DAB1: variants seen among roughly 807,000 people sequenced by gnomAD.
DAB1 encodes DAB adaptor protein 1.
In DAB1, 15 loss-of-function variants were observed where a neutral mutation model predicts 64.6. The ratio of observed to expected loss-of-function variants is 0.23; its 90% CI spans 0.16 to 0.36. The LOEUF (loss-of-function observed/expected upper bound fraction) is 0.36. DAB1 is among the 10% of genes least tolerant of loss of function. The pLI, the probability that DAB1 is intolerant of heterozygous loss-of-function variation, is 1.00. For missense variants in DAB1, 596 were observed against 706.7 expected, an observed-to-expected ratio of 0.84 and a Z score of 1.78; for synonymous variants, 235 against 251.9, an observed-to-expected ratio of 0.93 and a Z score of 0.64.
At chr1:58,425,423 T>C (rs1644813433) in intron 3 of DAB1, among the ~76,000 whole-genome samples, 1 of 152,234 alleles carries the variant, frequency 6.6e-6, no homozygotes, top group South Asian at 2.1e-4. Flanking sequence ...CTTCTCTTAG[T>C]ATTTGCCTAA....
intron 3 of DAB1, 106 bp from the exon 4 acceptor site, chr1:57,136,747 A>C: frequency 1.8e-6 from 1 of 554,670 alleles, no homozygotes. Context: ...CCAATCATGC[A>C]CACTGCTTTC....
intron 7 of DAB1, among the ~76,000 whole-genome samples, chr1:57,441,011 C>T (rs538966071): frequency 2.0e-5 from 3 of 152,206 alleles, no homozygotes; most frequent in East Asian, 3.9e-4. Flanking sequence ...TATTAACCCA[C>T]ACTTCCCTCC....
At chr1:58,409,494 G>T (rs930601949) in intron 3 of DAB1, among the ~76,000 whole-genome samples, 1 of 152,218 alleles carries the variant, frequency 6.6e-6, no homozygotes, top group African/African-American at 2.4e-5. Context: ...ACAGTGGGCT[G>T]TCCCAGGAAG....
chr1:57,079,839 C>G (rs1307564915), intron 4 of DAB1, among the ~76,000 whole-genome samples: 1 of 152,186 alleles, frequency 6.6e-6, no homozygotes, highest in Admixed American at 6.5e-5. Context: ...CCAGCGCAGA[C>G]CAGGTTCCCA....
chr1:57,355,640 C>T (rs980775192), intron 1 of DAB1, among the ~76,000 whole-genome samples: 13 of 151,870 alleles, frequency 8.6e-5, no homozygotes, highest in Non-Finnish European at 5.9e-5. Flanking sequence ...GAGGCAAAAA[C>T]ATAAAGGCAA....
rs114247314 is a variant in DAB1 at position 57,525,837 on chromosome 1, T to C, written n.625+123755A>G. Among the ~76,000 whole-genome samples, 932 of 152,050 alleles carry C rather than the reference T, an allele frequency of 6.1e-3. 7 individuals are homozygous for C. Among genetic ancestry groups the C allele is most frequent in the Non-Finnish European group, 9.4e-3 (640 of 67,962 alleles). Reference sequence around the variant, plus strand: ...GAGGAACAAAAGCTGGGGGAACAAATGGGGAGAAGGGACTACTATATTTCA... The same window carrying C: ...GAGGAACAAAAGCTGGGGGAACAAACGGGGAGAAGGGACTACTATATTTCA... On this transcript the variant is annotated intron_variant and non_coding_transcript_variant, in intron 7 of 20. Coordinates refer to the DAB1 transcript ENST00000485760.
intron 7 of DAB1, among the ~76,000 whole-genome samples, chr1:57,513,126 C>T (rs1258874134): frequency 2.8e-5 from 4 of 144,496 alleles, no homozygotes; most frequent in Admixed American, 2.1e-4. Flanking sequence ...GGCACTGGTT[C>T]GTCTGAATAC....
chr1:57,959,526 A>C (rs1269645220), intron 5 of DAB1, among the ~76,000 whole-genome samples: 5 of 152,198 alleles, frequency 3.3e-5, no homozygotes, highest in African/African-American at 1.2e-4. Context: ...GAGAACATTG[A>C]GGCTTGGAGA....
chr1:57,644,001 G>A (rs940380302), intron 7 of DAB1, among the ~76,000 whole-genome samples: 1 of 152,162 alleles, frequency 6.6e-6, no homozygotes, highest in Non-Finnish European at 1.5e-5. Context: ...AGACACAAAC[G>A]AGGGTCTTCT....
At position 57,061,390 on chromosome 1, in the gene DAB1, A is replaced by G. The variant is rs944922; in HGVS notation, c.723+1494T>C. 5.2e-4 allele frequency among the ~76,000 whole-genome samples: 79 copies of G among 152,284 alleles called. No homozygotes were observed. In the East Asian group the frequency reaches 0.012, roughly 22 times the overall value. ...GAGAATACAGAGTCTTAGGTTTGGA[A>G]GGGACATCCAGAGCTCTCCTGTCCA... On this transcript the variant is annotated intron_variant, in intron 9 of 14. Transcript: ENST00000371236.
chr1:57,603,116 G>T (rs553793859), intron 7 of DAB1, among the ~76,000 whole-genome samples: 17 of 152,276 alleles, frequency 1.1e-4, no homozygotes, highest in Admixed American at 8.5e-4. Flanking sequence ...AGGATTACAG[G>T]CATGCACCAC....
chr1:57,731,946 C>T (rs955890718), intron 6 of DAB1, among the ~76,000 whole-genome samples: 3 of 152,074 alleles, frequency 2.0e-5, no homozygotes, highest in East Asian at 3.9e-4. Flanking sequence ...AATATGCATC[C>T]GAGCAAGGGA....
intron 7 of DAB1, among the ~76,000 whole-genome samples, chr1:57,614,593 T>C (rs1483769753): frequency 6.6e-6 from 1 of 152,240 alleles, no homozygotes; most frequent in Admixed American, 6.5e-5. Flanking sequence ...TCTTCTTTTG[T>C]GATACAGTCT....
chr1:57,853,179 G>A (rs1209568332), intron 1 of DAB1, among the ~76,000 whole-genome samples: 1 of 151,850 alleles, frequency 6.6e-6, no homozygotes, highest in African/African-American at 2.4e-5. Context: ...TTAGGATGAT[G>A]CATTAAGTAG....
chr1:58,163,141 T>C (rs982136659), intron 4 of DAB1, among the ~76,000 whole-genome samples: 1 of 152,184 alleles, frequency 6.6e-6, no homozygotes, highest in Non-Finnish European at 1.5e-5. Flanking sequence ...TATCCAGTCA[T>C]GGAGTCTCCC....
chr1:57,155,252 A>C (rs1660098165), intron 2 of DAB1, among the ~76,000 whole-genome samples: 1 of 152,168 alleles, frequency 6.6e-6, no homozygotes, highest in African/African-American at 2.4e-5. Flanking sequence ...ATGGATATCC[A>C]ATTTTCTCAG....
At chr1:58,246,660 G>C (rs938020519) in intron 4 of DAB1, among the ~76,000 whole-genome samples, 4 of 152,112 alleles carry the variant, frequency 2.6e-5, no homozygotes, top group Non-Finnish European at 5.9e-5. Flanking sequence ...GAGTGATGTA[G>C]GTGTAATGCT....
intron 5 of DAB1, among the ~76,000 whole-genome samples, chr1:58,051,063 A>ATATC (rs1251617667): frequency 1.3e-5 from 2 of 151,974 alleles, no homozygotes; most frequent in Non-Finnish European, 2.9e-5. Context: ...TTTTATATAT[A>ATATC]TATACTTTAA....
chr1:57,535,340 G>A lies in DAB1; in HGVS notation n.625+114252C>T, dbSNP rs570634823. On this transcript the variant is annotated intron_variant and non_coding_transcript_variant, in intron 7 of 20. Coordinates refer to the DAB1 transcript ENST00000485760. ...AACAAGTGAAAAATATATTTTTGTA[G>A]AATGAATGAATGAATCATGAACTAA... is the stretch of plus-strand genomic sequence containing the variant. Among the ~76,000 whole-genome samples, 4 of 152,136 alleles carry A rather than the reference G, an allele frequency of 2.6e-5. No homozygotes were observed. In the South Asian group the frequency reaches 8.3e-4, roughly 32 times the overall value.
Sources: gnomAD v4.1 joint callset for allele counts (sites outside exome capture counted in the v4.1 genomes callset) on GRCh38, gnomAD v4.1.1 for gene constraint, MANE v1.5 for transcripts, NCBI Gene and HGNC (gene_info 2026-07-23, HGNC 2026-07-21) for gene names.